SLC35F4: variants seen among roughly 807,000 people sequenced by gnomAD.
The protein encoded by SLC35F4 is chromosome 14 open reading frame 36.
A neutral mutation model predicts 44.2 loss-of-function variants in SLC35F4; 24 were observed. The observed-to-expected ratio is 0.54, with a 90% CI of 0.39 to 0.76. SLC35F4 has a LOEUF of 0.76. Ranked by LOEUF, SLC35F4 falls within the 30% of genes least tolerant of loss-of-function variation. The pLI is 0.00. For synonymous variants in SLC35F4, 238 were observed against 223.6 expected (o/e 1.06, Z -0.57); for missense variants, 562 against 586.1 (o/e 0.96, Z 0.42).
intron 1 of SLC35F4, among the ~76,000 whole-genome samples, chr14:57,700,702 G>C (rs1175897487): frequency 6.6e-6 from 1 of 151,966 alleles, no homozygotes; most frequent in East Asian, 1.9e-4. Context: ...AGGGGTTCGA[G>C]ACCAGGCCAT....
intron 1 of SLC35F4, among the ~76,000 whole-genome samples, chr14:57,619,819 T>C (rs1292880727): frequency 6.6e-6 from 1 of 151,926 alleles, no homozygotes; most frequent in African/African-American, 2.4e-5. Context: ...AATTGCTAAG[T>C]AGAATAACCA....
intron 1 of SLC35F4, among the ~76,000 whole-genome samples, chr14:57,829,318 G>T (rs1884107903): frequency 6.6e-6 from 1 of 152,206 alleles, no homozygotes. Flanking sequence ...CTATAGGTCT[G>T]GGTCGTGGGG....
intron 5 of SLC35F4, among the ~76,000 whole-genome samples, chr14:57,571,315 G>A (rs1489262170): frequency 6.6e-6 from 1 of 152,056 alleles, no homozygotes. Context: ...AAAAATGGTG[G>A]GTACCTACAG....
intron 1 of SLC35F4, among the ~76,000 whole-genome samples, chr14:57,670,764 G>A (rs2074489103): frequency 6.6e-6 from 1 of 151,730 alleles, no homozygotes; most frequent in African/African-American, 2.4e-5. Flanking sequence ...GCCTAGTTGT[G>A]CATTTCCTTG....
chr14:57,631,626 A>G (rs2072779158), intron 1 of SLC35F4, among the ~76,000 whole-genome samples: 1 of 152,116 alleles, frequency 6.6e-6, no homozygotes, highest in African/African-American at 2.4e-5. Flanking sequence ...GAAAGACAAC[A>G]TTCATTCTAG....
chr14:57,889,366 C>T (rs142394530), intron 1 of SLC35F4, among the ~76,000 whole-genome samples: 14 of 152,354 alleles, frequency 9.2e-5, no homozygotes, highest in African/African-American at 2.4e-4. Context: ...ACAGCAGAGA[C>T]ACTTGAAGTA....
At chr14:57,759,458 T>A (rs1470259510) in intron 1 of SLC35F4, among the ~76,000 whole-genome samples, 1 of 152,068 alleles carries the variant, frequency 6.6e-6, no homozygotes, top group Non-Finnish European at 1.5e-5. Context: ...TGCATGCCTG[T>A]GATCCCAGCT....
intron 3 of SLC35F4, 73 bp from the exon 4 acceptor site, chr14:57,581,506 C>CCATTTT: frequency 1.5e-6 from 2 of 1,350,478 alleles, no homozygotes; most frequent in Non-Finnish European, 2.0e-6. Context: ...CTCATCGCAG[C>CCATTTT]CATTTTCAGG....
chr14:57,858,346 A>C (rs1369327817), intron 1 of SLC35F4, among the ~76,000 whole-genome samples: 2 of 152,092 alleles, frequency 1.3e-5, no homozygotes, highest in Non-Finnish European at 2.9e-5. Context: ...AATACTATGA[A>C]GCCATCAAAA....
intron 1 of SLC35F4, among the ~76,000 whole-genome samples, chr14:57,857,863 G>A (rs1887268291): frequency 6.6e-6 from 1 of 151,960 alleles, no homozygotes; most frequent in Admixed American, 6.5e-5. Context: ...GAGCACTGGG[G>A]CCAAAGTGCA....
upstream of SLC35F4, among the ~76,000 whole-genome samples, chr14:57,871,012 AG>A (rs1432251294): frequency 3.3e-5 from 5 of 152,112 alleles, no homozygotes; most frequent in Non-Finnish European, 7.4e-5. Context: ...ACTTCATACT[AG>A]GAAAGGGACC....
At chr14:57,566,064 C>T (rs1187356416) in intron 7 of SLC35F4, among the ~76,000 whole-genome samples, 3 of 152,262 alleles carry the variant, frequency 2.0e-5, no homozygotes, top group Admixed American at 1.3e-4. Context: ...GAGAGCTTTC[C>T]GTGGCTCCCC....
At chr14:57,776,499 T>C (rs1346530128) in intron 1 of SLC35F4, among the ~76,000 whole-genome samples, 1 of 151,714 alleles carries the variant, frequency 6.6e-6, no homozygotes, top group African/African-American at 2.4e-5. Flanking sequence ...ACCCCTTCTC[T>C]ACTAAAAATA....
intron 1 of SLC35F4, among the ~76,000 whole-genome samples, chr14:57,627,814 T>G (rs2072549134): frequency 6.6e-6 from 1 of 152,114 alleles, no homozygotes; most frequent in Non-Finnish European, 1.5e-5. Flanking sequence ...CCTTCCTTTT[T>G]TTTAATGCCT....
intron 1 of SLC35F4, among the ~76,000 whole-genome samples, chr14:57,944,005 C>A (rs1271499091): frequency 6.6e-6 from 1 of 152,052 alleles, no homozygotes; most frequent in Non-Finnish European, 1.5e-5. Flanking sequence ...CAGCCAGTGG[C>A]CTCAGTGCAT....
intron 1 of SLC35F4, among the ~76,000 whole-genome samples, chr14:57,817,409 C>G (rs1403292709): frequency 1.3e-5 from 2 of 152,128 alleles, no homozygotes; most frequent in African/African-American, 4.8e-5. Flanking sequence ...ACTGGAGATG[C>G]TGCAAGGACT....
upstream of SLC35F4, among the ~76,000 whole-genome samples, chr14:57,871,001 T>A (rs1297199462): frequency 9.2e-5 from 14 of 152,342 alleles, no homozygotes; most frequent in East Asian, 1.9e-3. Context: ...AGGAAGAGTT[T>A]ACTTCATACT....
intron 1 of SLC35F4, among the ~76,000 whole-genome samples, chr14:57,758,011 G>GTT (rs2077036648): frequency 6.7e-6 from 1 of 149,746 alleles, no homozygotes; most frequent in African/African-American, 2.5e-5. Flanking sequence ...ATGTGTGTGT[G>GTT]TGTGTGTGTG....
At chr14:57,821,184 T>C (rs950191336) in intron 1 of SLC35F4, among the ~76,000 whole-genome samples, 1 of 152,096 alleles carries the variant, frequency 6.6e-6, no homozygotes, top group Admixed American at 6.5e-5. Context: ...AGACAACTTC[T>C]TCCCAGGCTT....
Sources: gnomAD v4.1 joint callset for allele counts (sites outside exome capture counted in the v4.1 genomes callset) on GRCh38, gnomAD v4.1.1 for gene constraint, MANE v1.5 for transcripts, NCBI Gene and HGNC (gene_info 2026-07-23, HGNC 2026-07-21) for gene names.